ABCC12: variants seen among roughly 807,000 people sequenced by gnomAD.
The protein encoded by ABCC12 is ATP-binding cassette sub-family C member 12.
Under a neutral mutation model 151.1 loss-of-function variants are expected in ABCC12, and 142 were observed. The ratio of observed to expected loss-of-function variants is 0.94; its 90% CI spans 0.82 to 1.08. ABCC12 has a LOEUF of 1.08. ABCC12 is among the 50% of genes least tolerant of loss of function. The pLI is 0.00. For missense variants in ABCC12, 1,638 were observed against 1,691.1 expected (o/e 0.97, Z 0.55); for synonymous variants, 645 against 646.4 (o/e 1.00, Z 0.03).
chr16:48,105,218 A>T lies in ABCC12; in HGVS notation c.2594T>A (p.Phe865Tyr), dbSNP rs1290322169. ...GAAGACGAAGCCTTTGGTGACGCCA[A>T]ACACCAGCATGAACACCATGCTTGC... The part of the protein sequence containing the change: ...YTASMVFMLV[F>Y]GVTKGFVFTK... Residue 865 changes from phenylalanine to tyrosine, a missense_variant, in exon 21 of 31, where the codon TTT becomes TAT. By Grantham distance (22) the Phe-to-Tyr change is conservative. Coordinates refer to ENST00000311303, the MANE Select transcript of ABCC12 (RefSeq NM_001393797.1). The T allele has an allele frequency of 6.2e-7, 1 of 1,614,198 alleles. No individual in the cohort carries two copies. The highest frequency in any genetic ancestry group is 2.2e-5 in the East Asian group (1 of 44,884).
At chr16:48,145,283 G>A (rs1343205815) in intron 3 of ABCC12, among the ~76,000 whole-genome samples, 1 of 152,132 alleles carries the variant, frequency 6.6e-6, no homozygotes, top group Non-Finnish European at 1.5e-5. Context: ...GCTGCTCAGA[G>A]AACAAACCAC....
chr16:48,121,036 A>C (rs561888612), intron 13 of ABCC12, among the ~76,000 whole-genome samples: 1 of 152,228 alleles, frequency 6.6e-6, no homozygotes. Context: ...CATTCTGTGC[A>C]ATAGATCACT....
intron 24 of ABCC12, among the ~76,000 whole-genome samples, chr16:48,095,652 A>C (rs1963070355): frequency 6.6e-6 from 1 of 152,198 alleles, no homozygotes; most frequent in East Asian, 1.9e-4. Flanking sequence ...AAGAAAAAGA[A>C]ACATAGAGAA....
intron 11 of ABCC12, 46 bp downstream of exon 11, chr16:48,128,413 T>C (rs780118182): frequency 6.2e-7 from 1 of 1,600,932 alleles, no homozygotes; most frequent in Non-Finnish European, 8.5e-7. Flanking sequence ...AGCTATGTAA[T>C]GCAAGGAGGA....
chr16:48,136,325 T>C (rs1049065489), intron 8 of ABCC12, among the ~76,000 whole-genome samples: 66 of 152,170 alleles, frequency 4.3e-4, no homozygotes, highest in African/African-American at 1.5e-3. Flanking sequence ...TCCTATCCCT[T>C]TGGCCTACCT....
At chr16:48,107,474 G>C (rs769062365) in intron 19 of ABCC12, 49 bp from the exon 20 acceptor site, 2 of 1,535,422 alleles carry the variant, frequency 1.3e-6, no homozygotes, top group Non-Finnish European at 1.8e-6. Flanking sequence ...TGAGCACATG[G>C]CAGGGGCTGA....
intron 25 of ABCC12, 115 bp from the exon 26 acceptor site, chr16:48,088,849 A>G (rs775564856): frequency 1.4e-4 from 124 of 890,336 alleles, no homozygotes; most frequent in Non-Finnish European, 2.0e-4. Flanking sequence ...GTGGTGAAAT[A>G]AACCAATAAT....
intron 28 of ABCC12, 132 bp downstream of exon 28, chr16:48,086,609 G>A: frequency 1.4e-6 from 1 of 738,800 alleles, no homozygotes; most frequent in Non-Finnish European, 2.4e-6. Context: ...ATGTTCTACT[G>A]ACTTACGTGG....
intron 24 of ABCC12, among the ~76,000 whole-genome samples, chr16:48,094,780 T>C (rs190997752): frequency 6.6e-6 from 1 of 152,340 alleles, no homozygotes; most frequent in Non-Finnish European, 1.5e-5. Context: ...CCCTGGCTGC[T>C]TTCCTGAAGT....
intron 8 of ABCC12, among the ~76,000 whole-genome samples, chr16:48,135,341 C>T (rs1279311255): frequency 1.3e-5 from 2 of 152,146 alleles, no homozygotes; most frequent in Non-Finnish European, 2.9e-5. Flanking sequence ...CCAGTAACAA[C>T]CAGATCGTCA....
At chr16:48,136,067 T>C (rs1964597923) in intron 8 of ABCC12, among the ~76,000 whole-genome samples, 1 of 152,214 alleles carries the variant, frequency 6.6e-6, no homozygotes, top group South Asian at 2.1e-4. Context: ...TATGCCTTTT[T>C]GACAGGAGAG....
rs201896683 is a variant in ABCC12, at chr16:48,121,719, T to G, written c.1709A>C (p.Gln570Pro). ...CTGCTTTAAAAGTTAATATTACCTT[T>G]GGTGATCATACTTTTCTCCAAAGAG... Reference protein sequence around the residue: ...NILFGEKYDHQRYQHTVRVCG... With the variant: ...NILFGEKYDHPRYQHTVRVCG... The change falls in exon 13 of 31, where the codon CAA becomes CCA. Residue 570 changes from glutamine to proline, a missense_variant. Gln to Pro is a moderately conservative substitution (Grantham distance 76). Coordinates refer to ENST00000311303, the MANE Select transcript of ABCC12 (RefSeq NM_001393797.1). 27 of 1,614,160 alleles carry G rather than the reference T, an allele frequency of 1.7e-5. No homozygotes were observed. Among genetic ancestry groups the G allele is most frequent in the Admixed American group, 1.5e-4 (9 of 60,028 alleles).
At chr16:48,134,255 C>T (rs903246251) in intron 8 of ABCC12, among the ~76,000 whole-genome samples, 2 of 152,224 alleles carry the variant, frequency 1.3e-5, no homozygotes, top group Non-Finnish European at 2.9e-5. Flanking sequence ...CCATGAAATG[C>T]AGCAGGGACC....
In ABCC12 at chr16:48,080,995, CTTCTATG is replaced by C. The variant is rs1962320713; in HGVS notation, c.*2713_*2719del. Among the ~76,000 whole-genome samples the C allele has an allele frequency of 6.6e-6, 1 of 152,142 alleles. No individual in the cohort carries two copies. The highest frequency in any genetic ancestry group is 6.5e-5 in the Admixed American group (1 of 15,270). Reference sequence around the variant, plus strand: ...AGGGCCCATTCCTCACAGATGATGCCTTCTATGTGTCCTCACATGGAGGAAGGGGTGA... The same window carrying C: ...AGGGCCCATTCCTCACAGATGATGCCTGTCCTCACATGGAGGAAGGGGTGA... On this transcript the variant is annotated 3_prime_UTR_variant, in exon 31 of 31. Transcript: ENST00000311303.
At chr16:48,103,051 A>G (rs1963362830) in intron 22 of ABCC12, among the ~76,000 whole-genome samples, 1 of 152,142 alleles carries the variant, frequency 6.6e-6, no homozygotes, top group Admixed American at 6.5e-5. Context: ...CTGTAGCTCC[A>G]TTCACCCTCC....
rs534111731 is a variant in ABCC12 at position 48,135,705 on chromosome 16, A to G, written c.980-1870T>C. ...GAACTAAATGAAAAAACATTTTTAA[A>G]TACTATACTGTATGGGGAGAAATAA... On this transcript the variant is annotated intron_variant, in intron 8 of 30. Coordinates refer to ENST00000311303, the MANE Select transcript of ABCC12 (RefSeq NM_001393797.1). Among the ~76,000 whole-genome samples, 3 of 152,340 alleles carry G rather than the reference A, an allele frequency of 2.0e-5. No individual in the cohort carries two copies. The South Asian group carries it at 6.2e-4, about 32-fold the overall frequency.
chr16:48,114,588 G>T (rs549695409), intron 15 of ABCC12, among the ~76,000 whole-genome samples: 25 of 152,260 alleles, frequency 1.6e-4, no homozygotes, highest in Admixed American at 6.5e-4. Flanking sequence ...CTCTCGTCGG[G>T]CAAGGAGACA....
intron 11 of ABCC12, among the ~76,000 whole-genome samples, chr16:48,124,742 A>G (rs1964184632): frequency 6.6e-6 from 1 of 152,238 alleles, no homozygotes; most frequent in Non-Finnish European, 1.5e-5. Flanking sequence ...GAGAAGTTAC[A>G]CTATTCTAAC....
chr16:48,119,600 G>A (rs929961111), intron 13 of ABCC12, among the ~76,000 whole-genome samples: 4 of 152,246 alleles, frequency 2.6e-5, no homozygotes, highest in African/African-American at 7.2e-5. Context: ...GCCACAGGAC[G>A]GCATGGCCGG....
Sources: allele counts gnomAD v4.1 joint callset (sites outside exome capture counted in the v4.1 genomes callset), GRCh38; gene constraint gnomAD v4.1.1; transcripts MANE v1.5; gene names NCBI Gene and HGNC (gene_info 2026-07-23, HGNC 2026-07-21).